GRK5: variants seen among roughly 807,000 people sequenced by gnomAD.
The protein encoded by GRK5 is g protein-coupled receptor kinase GRK5.
In GRK5, 40 loss-of-function variants were observed where a neutral mutation model predicts 78.4. The observed-to-expected ratio is 0.51, with a 90% confidence interval of 0.40 to 0.66. The LOEUF is 0.66. Ranked by LOEUF, GRK5 falls within the 30% of genes least tolerant of loss-of-function variation. GRK5 has a pLI of 0.00. For synonymous variants in GRK5, 289 were observed against 296.8 expected, an observed-to-expected ratio of 0.97 and a Z score of 0.27; for missense variants, 598 against 759.9, an observed-to-expected ratio of 0.79 and a Z score of 2.50.
In GRK5 at chr10:119,247,916, G is replaced by A. The variant is rs373596986; in HGVS notation, c.52+39947G>A. On this transcript the variant is annotated intron_variant, in intron 1 of 15. Transcript: ENST00000392870. ...GTCCCCCCCACCCTGCCTGGCTGCT[G>A]ACATTTGGTGATAATCTTTCCAGAC... is the stretch of plus-strand genomic sequence containing the variant. 1.1e-4 allele frequency among the ~76,000 whole-genome samples: 17 copies of A among 152,270 alleles called. No individual in the cohort carries two copies. In the East Asian group the frequency reaches 3.3e-3, roughly 29 times the overall value.
Position 119,253,980 on chromosome 10 carries a change from C to G in GRK5, c.52+46011C>G, listed in dbSNP as rs1212641374. On this transcript the variant is annotated intron_variant, in intron 1 of 15. Transcript: ENST00000392870. The surrounding 1 kb of genome is among the most constrained non-coding windows in gnomAD (Gnocchi z 5.7). ...GGGGAAAAGGAGAAAGTACAGAAAG[C>G]CGTGACACCTGATGGAAAATATTAC... 1.3e-5 allele frequency among the ~76,000 whole-genome samples: 2 copies of G among 152,120 alleles called. No homozygotes were observed. Among genetic ancestry groups the G allele is most frequent in the African/African-American group, 4.8e-5 (2 of 41,396 alleles).
intron 1 of GRK5, among the ~76,000 whole-genome samples, chr10:119,259,166 G>A (rs545592487): frequency 9.4e-5 from 14 of 148,856 alleles, no homozygotes; most frequent in Admixed American, 3.4e-4. Context: ...CCAGGTTCAC[G>A]CCATTCTCCT....
rs1044200638 is a variant in GRK5, at chr10:119,456,070, A to T, written c.*1003A>T. 5 of 152,322 alleles carry T rather than the reference A, an allele frequency of 3.3e-5. No homozygotes were observed. The highest frequency in any genetic ancestry group is 1.2e-4 in the African/African-American group (5 of 41,462). 9.4% of individuals were successfully genotyped at this position (152,322 alleles called of 1,614,324 possible). On this transcript the variant is annotated 3_prime_UTR_variant, in exon 16 of 16. Transcript: ENST00000392870. This position sits in a 1 kb window ranked among gnomAD's most constrained non-coding sequence, Gnocchi z 5.5. ...CCAAAGCCTCGGGGCCCACAGGAGC[A>T]TCGGGAAGTGAGGCAGTGCGCTCAT...
At chr10:119,353,932 C>CTTTTTTTTTTTTTTTTTTTTTTTTTT (rs761463283) in intron 2 of GRK5, among the ~76,000 whole-genome samples, 1 of 108,736 alleles carries the variant, frequency 9.2e-6, no homozygotes, top group Non-Finnish European at 1.8e-5. Context: ...TTTTTTCTTT[C>CTTTTTTTTTTTTTTTTTTTTTTTTTT]TTTTTTTTTT....
chr10:119,276,412 C>T (rs1299408191), intron 1 of GRK5, among the ~76,000 whole-genome samples: 1 of 152,140 alleles, frequency 6.6e-6, no homozygotes, highest in Non-Finnish European at 1.5e-5. Context: ...CATCCATGTC[C>T]CTACAAAGGA....
At chr10:119,275,206 T>A (rs1421227060) in intron 1 of GRK5, among the ~76,000 whole-genome samples, 1 of 152,126 alleles carries the variant, frequency 6.6e-6, no homozygotes, top group East Asian at 1.9e-4. Flanking sequence ...ACTGTGAGGT[T>A]TCAGACGGGA....
At chr10:119,280,700 A>G (rs545373050) in intron 1 of GRK5, among the ~76,000 whole-genome samples, 2 of 152,142 alleles carry the variant, frequency 1.3e-5, no homozygotes, top group South Asian at 4.2e-4. Context: ...AGGCACTGCC[A>G]AATTATTTTT....
chr10:119,257,460 C>G (rs4752267), intron 1 of GRK5, among the ~76,000 whole-genome samples: 104,707 of 152,136 alleles, frequency 0.69, 36,861 homozygotes, highest in East Asian at 0.83. Flanking sequence ...TACGGTGGCT[C>G]ACACCTATAA....
At chr10:119,233,225 CA>C (rs906306319) in intron 1 of GRK5, among the ~76,000 whole-genome samples, 34 of 152,196 alleles carry the variant, frequency 2.2e-4, no homozygotes, top group African/African-American at 7.5e-4. Context: ...ACAGCACCTC[CA>C]TTTTTCTTGG....
intron 1 of GRK5, among the ~76,000 whole-genome samples, chr10:119,293,891 C>T (rs577740571): frequency 3.3e-5 from 5 of 152,250 alleles, no homozygotes; most frequent in African/African-American, 1.2e-4. Flanking sequence ...GAATCTATTA[C>T]GATCTAATAA....
rs60169912 is a variant in GRK5 at position 119,209,487 on chromosome 10, GTTTTTTTTTTTTT to G, written c.52+1533_52+1545del. On this transcript the variant is annotated intron_variant, in intron 1 of 15. Transcript: ENST00000392870. ...GGCCTGAGCTGTGTGTGTGTGTGTG[GTTTTTTTTTTTTT>G]TTTTTTTTTTTTTTCCTAACCTGAC... is the stretch of plus-strand genomic sequence containing the variant. 1.3e-3 allele frequency among the ~76,000 whole-genome samples: 129 copies of G among 98,924 alleles called. 1 individual carries two copies. Among genetic ancestry groups the G allele is most frequent in the African/African-American group, 3.6e-3 (97 of 27,134 alleles). The allele number at this position is 98,924 out of a possible 152,430, so 64.9% of individuals were successfully genotyped here.
intron 1 of GRK5, among the ~76,000 whole-genome samples, chr10:119,293,103 G>A (rs1053545146): frequency 2.0e-5 from 3 of 152,246 alleles, no homozygotes; most frequent in East Asian, 1.9e-4. Flanking sequence ...AAGACCTGAA[G>A]AAGTTATGTA....
At chr10:119,383,142 C>T (rs1297786934) in intron 3 of GRK5, among the ~76,000 whole-genome samples, 2 of 152,280 alleles carry the variant, frequency 1.3e-5, no homozygotes, top group South Asian at 2.1e-4. Flanking sequence ...AGGATGGTCT[C>T]GATCTCCTGA....
At position 119,264,860 on chromosome 10, in the gene GRK5, A is replaced by T. The variant is rs1437964308; in HGVS notation, c.52+56891A>T. On this transcript the variant is annotated intron_variant, in intron 1 of 15. Coordinates refer to ENST00000392870, the MANE Select transcript of GRK5 (RefSeq NM_005308.3). The surrounding 1 kb of genome is among the most constrained non-coding windows in gnomAD (Gnocchi z 4.1). The stretch of plus-strand genomic sequence containing the variant: ...GAGTAGCCTTGGCATGACGTGCCTC[A>T]CTGTCATCTGACCAATGAGAATCAT... Among the ~76,000 whole-genome samples the T allele has an allele frequency of 6.6e-6, 1 of 152,190 alleles. No individual in the cohort carries two copies. Among genetic ancestry groups the T allele is most frequent in the Non-Finnish European group, 1.5e-5 (1 of 68,030 alleles).
intron 1 of GRK5, among the ~76,000 whole-genome samples, chr10:119,227,659 T>A (rs964495967): frequency 6.6e-6 from 1 of 152,098 alleles, no homozygotes; most frequent in African/African-American, 2.4e-5. Context: ...GGAGGTAGTT[T>A]CTAAGGAAAA....
intron 1 of GRK5, among the ~76,000 whole-genome samples, chr10:119,210,288 T>G (rs974170514): frequency 1.3e-5 from 2 of 152,102 alleles, no homozygotes; most frequent in Non-Finnish European, 2.9e-5. Context: ...ACAAGAAAAA[T>G]TAATCATTTA....
rs117639224 is a variant in GRK5, at chr10:119,225,466, G to A, written c.52+17497G>A. Among the ~76,000 whole-genome samples the A allele has an allele frequency of 7.6e-4, 116 of 152,228 alleles. No individual in the cohort carries two copies. In the East Asian group the frequency reaches 0.016, roughly 21 times the overall value. On this transcript the variant is annotated intron_variant, in intron 1 of 15. Transcript: ENST00000392870. The stretch of plus-strand genomic sequence containing the variant: ...CTACCTTTTAAGGCTTGTTGTCGGG[G>A]ACACTGTTGTCACATACGGGGGAAG...
chr10:119,368,689 C>T (rs539522658), intron 2 of GRK5, among the ~76,000 whole-genome samples: 4 of 152,340 alleles, frequency 2.6e-5, no homozygotes, highest in East Asian at 1.9e-4. Flanking sequence ...TGTGCTTTCT[C>T]GAAAGGGGCA....
rs187427043 is a variant in GRK5, at chr10:119,354,929, G to A, written c.149-25886G>A. On this transcript the variant is annotated intron_variant, in intron 2 of 15. Transcript: ENST00000392870. ...GAATGCATGGATTTTGGTATCCATC[G>A]GGGACTGGCTCTAGGACTCCCCGAG... Among the ~76,000 whole-genome samples, 10 of 152,126 alleles carry A rather than the reference G, an allele frequency of 6.6e-5. No individual in the cohort carries two copies. In the East Asian group the frequency reaches 1.4e-3, roughly 21 times the overall value.
Sources: gnomAD v4.1 joint callset for allele counts (sites outside exome capture counted in the v4.1 genomes callset) on GRCh38, gnomAD v4.1.1 for gene constraint, Gnocchi (gnomAD v3.1) non-coding constraint, MANE v1.5 for transcripts, NCBI Gene and HGNC (gene_info 2026-07-23, HGNC 2026-07-21) for gene names.